Variants in ITGA8 observed in about 807,000 individuals in gnomAD.
The protein encoded by ITGA8 is integrin alpha-8.
In ITGA8, 91 loss-of-function variants were observed where a neutral mutation model predicts 142.3. The ratio of observed to expected loss-of-function variants is 0.64; its 90% CI spans 0.54 to 0.76. The LOEUF (loss-of-function observed/expected upper bound fraction) is 0.76. Ranked by LOEUF, ITGA8 falls within the 30% of genes least tolerant of loss-of-function variation. The pLI is 0.00. For missense variants in ITGA8, 1,406 were observed against 1,327.7 expected, an observed-to-expected ratio of 1.06 and a Z score of -0.92; for synonymous variants, 505 against 485.2, an observed-to-expected ratio of 1.04 and a Z score of -0.54.
In ITGA8 at chr10:15,575,462, C is replaced by T. The variant is rs749490420; in HGVS notation, c.2478+27G>A. The T allele has an allele frequency of 2.7e-6, 4 of 1,498,334 alleles. No homozygotes were observed. In the African/African-American group the frequency reaches 4.1e-5, roughly 16 times the overall value. The allele number at this position is 1,498,334 out of a possible 1,614,324, so 92.8% of individuals were successfully genotyped here. A position where few individuals can be genotyped will look rare whatever the true frequency, so the allele number is the denominator to read the frequency against. The stretch of plus-strand genomic sequence containing the variant: ...ACAGAGCTTAAGAATAAACCCCTAA[C>T]ACAACTTTAACACAGACAATGGCTA... On this transcript the variant is annotated intron_variant, in intron 24 of 29. Coordinates refer to ENST00000378076, the MANE Select transcript of ITGA8 (RefSeq NM_003638.3).
At chr10:15,611,813 A>AC (rs200582201) in intron 15 of ITGA8, among the ~76,000 whole-genome samples, 12 of 151,486 alleles carry the variant, frequency 7.9e-5, no homozygotes, top group South Asian at 2.1e-4. Context: ...AAAAAAAAAA[A>AC]AAAAAAACCA....
chr10:15,690,391 C>A (rs1834911477), intron 2 of ITGA8, among the ~76,000 whole-genome samples: 1 of 152,224 alleles, frequency 6.6e-6, no homozygotes, highest in African/African-American at 2.4e-5. Flanking sequence ...GCTGCACCCT[C>A]ACACCCAGGA....
At chr10:15,532,428 A>AG (rs1217515117) in intron 27 of ITGA8, among the ~76,000 whole-genome samples, 2 of 147,194 alleles carry the variant, frequency 1.4e-5, no homozygotes, top group Admixed American at 6.8e-5. Flanking sequence ...CAAAAAAAAA[A>AG]AAAAAAAAAA....
intron 29 of ITGA8, 103 bp downstream of exon 29, chr10:15,519,186 CA>C: frequency 7.1e-7 from 1 of 1,412,418 alleles, no homozygotes; most frequent in East Asian, 2.3e-5. Flanking sequence ...TCAAAATTTC[CA>C]AAAATGCCTC....
chr10:15,680,747 C>A (rs548527280), intron 4 of ITGA8, among the ~76,000 whole-genome samples: 2 of 150,664 alleles, frequency 1.3e-5, no homozygotes, highest in South Asian at 4.2e-4. Flanking sequence ...AAACAGCAGG[C>A]TGAAAAAAAT....
At chr10:15,544,266 C>T (rs1490348178) in intron 27 of ITGA8, among the ~76,000 whole-genome samples, 6 of 152,028 alleles carry the variant, frequency 3.9e-5, no homozygotes, top group Admixed American at 3.9e-4. Context: ...CCACTTCACT[C>T]CAGCTTGGAT....
intron 23 of ITGA8, among the ~76,000 whole-genome samples, chr10:15,577,142 G>C (rs901137288): frequency 5.3e-5 from 8 of 152,186 alleles, no homozygotes; most frequent in African/African-American, 1.7e-4. Flanking sequence ...AGGTTCTAGG[G>C]AAACTTTTAT....
rs771024990 is a variant in ITGA8, at chr10:15,684,054, A to G, written c.518T>C (p.Val173Ala). The change falls in exon 4 of 30, where the codon GTA (valine) becomes GCA (alanine). Residue 173 changes from valine to alanine, a missense_variant. Physicochemically the swap from Val to Ala is moderately conservative, Grantham distance 64. Transcript: ENST00000378076. ...ATAGGCGCTGAAGTTCTGAATTGCTACATAGCAGGTGCCAACTGGGTCCTT... is the reference window on the plus strand; with the variant it reads ...ATAGGCGCTGAAGTTCTGAATTGCTGCATAGCAGGTGCCAACTGGGTCCTT... ...PEKDPVGTCY[V>A]AIQNFSAYAE... 2.5e-6 allele frequency: 4 copies of G among 1,614,212 alleles called. No homozygotes were observed. Among genetic ancestry groups the G allele is most frequent in the Non-Finnish European group, 3.4e-6 (4 of 1,180,016 alleles).
At chr10:15,687,626 C>G (rs1834855593) in intron 3 of ITGA8, among the ~76,000 whole-genome samples, 1 of 152,040 alleles carries the variant, frequency 6.6e-6, no homozygotes, top group South Asian at 2.1e-4. Flanking sequence ...TTTAAGTAGC[C>G]CCTAAGTCAG....
intron 13 of ITGA8, among the ~76,000 whole-genome samples, chr10:15,617,147 A>G (rs527294571): frequency 4.5e-4 from 68 of 152,368 alleles, no homozygotes; most frequent in Non-Finnish European, 8.7e-4. Flanking sequence ...GAACAGCACT[A>G]TATGCCAGGA....
In ITGA8 at chr10:15,678,755, G is replaced by T. The variant is rs766281573; in HGVS notation, c.597C>A (p.Tyr199Ter). Residue 199 changes from tyrosine (Y) to a stop codon, truncating the protein, a stop_gained, in exon 5 of 30, where the codon TAC becomes TAA. Transcript: ENST00000378076. LOFTEE classifies it high-confidence loss of function. ...NSNADPEGQG[Y>*]CQAGFSLDFY... ...AATCCAGACTAAATCCTGCTTGGCA[G>T]TAACCCTGGCCTTCCGGATCAGCAT... is the stretch of plus-strand genomic sequence containing the variant. 6.2e-7 allele frequency: 1 copy of T among 1,610,462 alleles called. No individual in the cohort carries two copies. The highest frequency in any genetic ancestry group is 1.7e-5 in the Admixed American group (1 of 59,864).
At chr10:15,669,861 C>T (rs936719308) in intron 8 of ITGA8, among the ~76,000 whole-genome samples, 11 of 152,288 alleles carry the variant, frequency 7.2e-5, no homozygotes, top group African/African-American at 2.2e-4. Context: ...GCTGCCTGAT[C>T]GTTCCTCTGG....
intron 2 of ITGA8, among the ~76,000 whole-genome samples, chr10:15,705,110 G>C (rs1004054129): frequency 6.6e-6 from 1 of 152,042 alleles, no homozygotes; most frequent in African/African-American, 2.4e-5. Flanking sequence ...ATTAACACTC[G>C]AGAGGAAATT....
At chr10:15,670,776 C>G (rs760712094) in intron 8 of ITGA8, among the ~76,000 whole-genome samples, 7 of 152,112 alleles carry the variant, frequency 4.6e-5, no homozygotes, top group Non-Finnish European at 7.3e-5. Flanking sequence ...TGAATAGATC[C>G]CAGAATTGTT....
chr10:15,670,248 C>T (rs902679321), intron 8 of ITGA8, among the ~76,000 whole-genome samples: 1 of 152,202 alleles, frequency 6.6e-6, no homozygotes, highest in South Asian at 2.1e-4. Flanking sequence ...TTGACTCATT[C>T]AATAAATATT....
intron 2 of ITGA8, among the ~76,000 whole-genome samples, chr10:15,690,131 T>G (rs899202147): frequency 6.6e-6 from 1 of 151,950 alleles, no homozygotes; most frequent in African/African-American, 2.4e-5. Context: ...CTCCCTTAAG[T>G]GCTGGAGCTC....
At chr10:15,650,038 C>T (rs890822803) in intron 11 of ITGA8, among the ~76,000 whole-genome samples, 5 of 152,172 alleles carry the variant, frequency 3.3e-5, no homozygotes, top group African/African-American at 1.2e-4. Flanking sequence ...AACCAAGATA[C>T]TCTTCAATAG....
At chr10:15,532,410 C>T (rs1448639954) in intron 27 of ITGA8, among the ~76,000 whole-genome samples, 1 of 62,738 alleles carries the variant, frequency 1.6e-5, no homozygotes, top group Non-Finnish European at 2.7e-5. Flanking sequence ...CCGAGTGAGA[C>T]TCCCTCTCAA....
intron 23 of ITGA8, among the ~76,000 whole-genome samples, chr10:15,585,183 G>A (rs1011715829): frequency 6.6e-6 from 1 of 152,064 alleles, no homozygotes; most frequent in Non-Finnish European, 1.5e-5. Flanking sequence ...CATAAAATAC[G>A]ATTTTATGTA....
Sources: allele counts gnomAD v4.1 joint callset (sites outside exome capture counted in the v4.1 genomes callset), GRCh38; gene constraint gnomAD v4.1.1; transcripts MANE v1.5; gene names NCBI Gene and HGNC (gene_info 2026-07-23, HGNC 2026-07-21).